The following LRRC4C variants were observed in gnomAD, a reference collection of about 807,000 sequenced individuals.
LRRC4C encodes the protein leucine rich repeat containing 4C, also known as leucine-rich repeat-containing protein 4C.
LRRC4C carries 5 observed loss-of-function variants against 33.6 expected under a neutral mutation model. That is an observed-to-expected ratio of 0.15 (90% CI 0.08 to 0.31). The LOEUF (loss-of-function observed/expected upper bound fraction) is 0.31, where lower values mean the gene tolerates loss of function less well. Among genes scored for constraint, LRRC4C ranks in the 10% least tolerant of loss-of-function variants. The pLI is 1.00. For missense variants in LRRC4C, 560 were observed against 796.7 expected (o/e 0.70, Z 3.58); for synonymous variants, 329 against 302.0 (o/e 1.09, Z -0.93).
chr11:41,387,357 T>C (rs1407862104), intron 1 of LRRC4C, among the ~76,000 whole-genome samples: 2 of 151,758 alleles, frequency 1.3e-5, no homozygotes, highest in African/African-American at 4.8e-5. Context: ...AACACCTGAC[T>C]GAATCAGTGT....
intron 2 of LRRC4C, among the ~76,000 whole-genome samples, chr11:40,866,218 C>T (rs376726215): frequency 2.0e-5 from 3 of 148,850 alleles, no homozygotes; most frequent in African/African-American, 7.4e-5. Context: ...TCTTTATTTC[C>T]CTCTATTTTT....
chr11:41,145,062 TA>T (rs1943669474), intron 1 of LRRC4C, among the ~76,000 whole-genome samples: 1 of 152,140 alleles, frequency 6.6e-6, no homozygotes. Context: ...TATGAGACCT[TA>T]AGGAAAAATA....
intron 2 of LRRC4C, among the ~76,000 whole-genome samples, chr11:40,760,184 T>G (rs1949138852): frequency 1.3e-5 from 2 of 151,992 alleles, no homozygotes; most frequent in Admixed American, 6.6e-5. Context: ...TAAAAAAAAA[T>G]TAATGAAGGT....
intron 1 of LRRC4C, among the ~76,000 whole-genome samples, chr11:41,396,121 C>A (rs972797806): frequency 1.2e-4 from 18 of 151,854 alleles, no homozygotes; most frequent in African/African-American, 4.1e-4. Flanking sequence ...TCCAATGTGG[C>A]CCAGGGAAGC....
At chr11:40,584,395 G>A (rs1398100511) in intron 3 of LRRC4C, among the ~76,000 whole-genome samples, 1 of 151,496 alleles carries the variant, frequency 6.6e-6, no homozygotes, top group Non-Finnish European at 1.5e-5. Flanking sequence ...AGAATCACTG[G>A]TGTGGAGGAC....
intron 2 of LRRC4C, among the ~76,000 whole-genome samples, chr11:40,739,492 A>ACAGT (rs146952774): frequency 0.39 from 59,197 of 151,430 alleles, 12,111 homozygotes; most frequent in Middle Eastern, 0.47. Flanking sequence ...ATTAATATAT[A>ACAGT]CATAGACAAT....
At chr11:41,442,072 A>G (rs926626429) in intron 1 of LRRC4C, among the ~76,000 whole-genome samples, 4 of 152,198 alleles carry the variant, frequency 2.6e-5, no homozygotes, top group Non-Finnish European at 4.4e-5. Context: ...AAATTTTTGA[A>G]GCTGCCTTAT....
intron 3 of LRRC4C, among the ~76,000 whole-genome samples, chr11:40,521,577 A>G (rs1955814361): frequency 6.6e-6 from 1 of 152,154 alleles, no homozygotes; most frequent in East Asian, 1.9e-4. Flanking sequence ...AATGTACAGT[A>G]TAAGAAAAAT....
At chr11:40,822,888 A>G (rs1056832864) in intron 2 of LRRC4C, among the ~76,000 whole-genome samples, 1 of 151,664 alleles carries the variant, frequency 6.6e-6, no homozygotes, top group African/African-American at 2.4e-5. Context: ...TTTCCTGTAT[A>G]TAGATCTATC....
At chr11:40,570,200 T>C (rs1056354807) in intron 3 of LRRC4C, among the ~76,000 whole-genome samples, 5 of 152,118 alleles carry the variant, frequency 3.3e-5, no homozygotes, top group Admixed American at 3.3e-4. Context: ...TAATTATATA[T>C]GAATTATTTT....
intron 3 of LRRC4C, among the ~76,000 whole-genome samples, chr11:40,482,056 C>A (rs1395885350): frequency 6.6e-6 from 1 of 152,142 alleles, no homozygotes; most frequent in Admixed American, 6.5e-5. Flanking sequence ...TAAGCTCTGT[C>A]ACTTGTAGCA....
At chr11:40,770,359 G>A (rs534798858) in intron 2 of LRRC4C, among the ~76,000 whole-genome samples, 80 of 152,196 alleles carry the variant, frequency 5.3e-4, no homozygotes, top group African/African-American at 1.9e-3. Context: ...ACAGCATGGG[G>A]GAACTGCCCC....
Position 40,781,958 on chromosome 11 carries a change from C to T in LRRC4C, c.-406-133680G>A, listed in dbSNP as rs1950228236. ...GGTTTACAGTGGAATACAAAAAATG[C>T]CATTTGCAATTTGAAACAAAAGAAC... On this transcript the variant is annotated intron_variant, in intron 2 of 6. Coordinates refer to ENST00000528697, the MANE Select transcript of LRRC4C (RefSeq NM_001258419.2). 2.6e-5 allele frequency among the ~76,000 whole-genome samples: 4 copies of T among 152,176 alleles called. No individual in the cohort carries two copies. In the South Asian group the frequency reaches 8.3e-4, roughly 32 times the overall value.
intron 3 of LRRC4C, among the ~76,000 whole-genome samples, chr11:40,512,425 A>C (rs1955366230): frequency 6.6e-6 from 1 of 152,122 alleles, no homozygotes; most frequent in African/African-American, 2.4e-5. Context: ...AAACAAAACA[A>C]AATAAAAACA....
intron 1 of LRRC4C, among the ~76,000 whole-genome samples, chr11:40,993,646 A>G (rs2137282312): frequency 6.6e-6 from 1 of 152,214 alleles, no homozygotes. Flanking sequence ...TCTCAGTATT[A>G]TTCCCATCTT....
intron 2 of LRRC4C, among the ~76,000 whole-genome samples, chr11:40,705,729 G>T (rs1237200920): frequency 2.0e-5 from 3 of 151,990 alleles, no homozygotes; most frequent in Non-Finnish European, 2.9e-5. Context: ...CCACGTAATG[G>T]GATCACTGGA....
At chr11:40,491,575 G>A (rs574644363) in intron 3 of LRRC4C, among the ~76,000 whole-genome samples, 4 of 152,226 alleles carry the variant, frequency 2.6e-5, no homozygotes, top group South Asian at 2.1e-4. Context: ...GCTCTTAGAA[G>A]CTGCTGATCA....
At chr11:40,528,731 G>A (rs1956158020) in intron 3 of LRRC4C, among the ~76,000 whole-genome samples, 1 of 152,008 alleles carries the variant, frequency 6.6e-6, no homozygotes, top group Admixed American at 6.6e-5. Flanking sequence ...CAACTTAAGG[G>A]AAAAATCCAA....
chr11:40,757,029 C>G (rs1948986693), intron 2 of LRRC4C, among the ~76,000 whole-genome samples: 1 of 152,012 alleles, frequency 6.6e-6, no homozygotes, highest in African/African-American at 2.4e-5. Context: ...ATTTCATACT[C>G]TTTCTTTTTG....
Sources: gnomAD v4.1 joint callset for allele counts (sites outside exome capture counted in the v4.1 genomes callset) on GRCh38, gnomAD v4.1.1 for gene constraint, MANE v1.5 for transcripts, NCBI Gene and HGNC (gene_info 2026-07-23, HGNC 2026-07-21) for gene names.